ROBO2: variants seen among roughly 807,000 people sequenced by gnomAD.
ROBO2 encodes the protein roundabout homolog 2.
Under a neutral mutation model 160.8 loss-of-function variants are expected in ROBO2, and 53 were observed. The ratio of observed to expected loss-of-function variants is 0.33; its 90% CI spans 0.26 to 0.41. The LOEUF (loss-of-function observed/expected upper bound fraction) is 0.41. Ranked by LOEUF, ROBO2 falls within the 10% of genes least tolerant of loss-of-function variation. The pLI, the probability that ROBO2 is intolerant of heterozygous loss-of-function variation, is 1.00. For synonymous variants in ROBO2, 664 were observed against 611.7 expected (o/e 1.09, Z -1.26); for missense variants, 1,577 against 1,722.4 (o/e 0.92, Z 1.49).
intron 2 of ROBO2, among the ~76,000 whole-genome samples, chr3:76,801,040 A>G (rs2064158604): frequency 6.6e-6 from 1 of 152,212 alleles, no homozygotes; most frequent in Non-Finnish European, 1.5e-5. Flanking sequence ...AAAACATGGT[A>G]CATATACACA....
chr3:76,596,390 A>C (rs1006997498), intron 2 of ROBO2, among the ~76,000 whole-genome samples: 1 of 152,130 alleles, frequency 6.6e-6, no homozygotes, highest in African/African-American at 2.4e-5. Flanking sequence ...AGAGTAGCGC[A>C]TGTAGAAATT....
At chr3:76,358,829 A>T (rs1160593577) in intron 2 of ROBO2, among the ~76,000 whole-genome samples, 1 of 151,634 alleles carries the variant, frequency 6.6e-6, no homozygotes, top group Non-Finnish European at 1.5e-5. Flanking sequence ...TGTGAAGGTT[A>T]GTTACATATG....
chr3:77,428,211 A>G (rs1297203742), intron 2 of ROBO2, among the ~76,000 whole-genome samples: 1 of 152,102 alleles, frequency 6.6e-6, no homozygotes, highest in African/African-American at 2.4e-5. Context: ...TCCCCTTAAA[A>G]CTATAGGAAT....
intron 2 of ROBO2, among the ~76,000 whole-genome samples, chr3:77,264,255 T>G (rs2153342687): frequency 6.6e-6 from 1 of 152,344 alleles, no homozygotes; most frequent in South Asian, 2.1e-4. Context: ...TTCATAAATC[T>G]TGATCTAGGT....
In ROBO2 at chr3:76,236,042, C is replaced by T. The variant is rs569435568; in HGVS notation, c.109+298440C>T. Among the ~76,000 whole-genome samples the T allele has an allele frequency of 9.9e-4, 151 of 152,124 alleles. 1 individual carries two copies. The highest frequency in any genetic ancestry group is 1.9e-3 in the Non-Finnish European group (127 of 67,970). On this transcript the variant is annotated intron_variant, in intron 2 of 26. Transcript: ENST00000487694. Reference sequence around the variant, plus strand: ...TGAACCTCATATAGTTAATTTTCTGCCTTATTTGGTTGTTAATCACCAGCT... The same window carrying T: ...TGAACCTCATATAGTTAATTTTCTGTCTTATTTGGTTGTTAATCACCAGCT...
intron 5 of ROBO2, among the ~76,000 whole-genome samples, chr3:77,519,271 C>A (rs2090344541): frequency 6.6e-6 from 1 of 151,286 alleles, no homozygotes; most frequent in Admixed American, 6.6e-5. Flanking sequence ...ATAAAAAAAT[C>A]TCAGGAAGTC....
In ROBO2 at chr3:76,014,310, G is replaced by C. The variant is rs371930570; in HGVS notation, c.109+76708G>C. 1.3e-4 allele frequency among the ~76,000 whole-genome samples: 18 copies of C among 140,832 alleles called. 3 individuals carry two copies. The highest frequency in any genetic ancestry group is 9.0e-4 in the South Asian group (4 of 4,466). The allele number at this position is 140,832 out of a possible 152,430, so 92.4% of individuals were successfully genotyped here. ...TTGGGGGCTGGGCACGGTGGCTTAT[G>C]CGTGTAATCCCAGAAGTAATATGTA... On this transcript the variant is annotated intron_variant, in intron 2 of 26. Coordinates refer to the ROBO2 transcript ENST00000487694.
rs564273287 is a variant in ROBO2, at chr3:76,989,412, C to T, written c.110-108602C>T. On this transcript the variant is annotated intron_variant, in intron 2 of 26. Coordinates refer to the ROBO2 transcript ENST00000487694. The stretch of plus-strand genomic sequence containing the variant: ...TATGGTCTAATGAGCATAAACTATA[C>T]ATAATATGATAATAAAAGTATGTAA... Among the ~76,000 whole-genome samples, 9 of 152,036 alleles carry T rather than the reference C, an allele frequency of 5.9e-5. No individual in the cohort carries two copies. The South Asian group carries it at 1.9e-3, about 32-fold the overall frequency.
Position 77,601,665 on chromosome 3 carries a change from G to GA in ROBO2, c.2855-537dup, listed in dbSNP as rs1320095712. ...CTGAAAATTTTCCTTTGTTATACAA[G>GA]AAAAAAAATGCACTCTCCTTTTCTG... is the stretch of plus-strand genomic sequence containing the variant. On this transcript the variant is annotated intron_variant, in intron 19 of 25. Transcript: ENST00000461745. Among the ~76,000 whole-genome samples the GA allele has an allele frequency of 2.0e-5, 3 of 151,856 alleles. No individual in the cohort carries two copies. In the East Asian group the frequency reaches 5.8e-4, roughly 29 times the overall value.
chr3:76,012,495 TAATTC>T (rs2107617383), intron 2 of ROBO2, among the ~76,000 whole-genome samples: 1 of 152,332 alleles, frequency 6.6e-6, no homozygotes, highest in Non-Finnish European at 1.5e-5. Context: ...GGATTTTAAT[TAATTC>T]AATAAGCATG....
At chr3:77,196,631 A>G (rs1208991510) in intron 2 of ROBO2, among the ~76,000 whole-genome samples, 1 of 152,130 alleles carries the variant, frequency 6.6e-6, no homozygotes, top group Non-Finnish European at 1.5e-5. Context: ...GGGCATATGT[A>G]CATGTTATTT....
intron 2 of ROBO2, among the ~76,000 whole-genome samples, chr3:77,459,089 G>A (rs1033674929): frequency 1.1e-4 from 17 of 152,210 alleles, no homozygotes; most frequent in South Asian, 1.0e-3. Context: ...TAAACATTCA[G>A]AACATGATCT....
intron 2 of ROBO2, among the ~76,000 whole-genome samples, chr3:76,939,597 G>A (rs1273510056): frequency 1.3e-5 from 2 of 151,982 alleles, no homozygotes; most frequent in Admixed American, 1.3e-4. Context: ...TGGACAACAT[G>A]GTGAAACCTC....
intron 2 of ROBO2, among the ~76,000 whole-genome samples, chr3:76,700,187 T>C (rs1247172305): frequency 1.3e-5 from 2 of 152,118 alleles, no homozygotes; most frequent in Admixed American, 6.6e-5. Flanking sequence ...TTATTCTTTC[T>C]GTCATTTTTT....
At chr3:77,009,476 G>A (rs9835363) in intron 2 of ROBO2, among the ~76,000 whole-genome samples, 100,323 of 151,996 alleles carry the variant, frequency 0.66, 33,753 homozygotes, top group Non-Finnish European at 0.72. Flanking sequence ...CTCCACATAA[G>A]AATTGTATTT....
intron 2 of ROBO2, among the ~76,000 whole-genome samples, chr3:76,926,187 T>A (rs2076980002): frequency 6.6e-6 from 1 of 152,206 alleles, no homozygotes; most frequent in South Asian, 2.1e-4. Context: ...TCAGAGCCAA[T>A]ATGCCTGCAT....
At chr3:75,961,184 G>A (rs913013939) in intron 2 of ROBO2, among the ~76,000 whole-genome samples, 1 of 151,546 alleles carries the variant, frequency 6.6e-6, no homozygotes, top group Non-Finnish European at 1.5e-5. Flanking sequence ...AAAAGTTGGA[G>A]AATGGCACTT....
chr3:77,555,736 G>T (rs886716984), intron 8 of ROBO2, among the ~76,000 whole-genome samples: 1 of 151,870 alleles, frequency 6.6e-6, no homozygotes, highest in African/African-American at 2.4e-5. Flanking sequence ...ATGGTTTATT[G>T]AGTATTTATA....
At chr3:76,351,290 G>A (rs1257936338) in intron 2 of ROBO2, among the ~76,000 whole-genome samples, 1 of 151,870 alleles carries the variant, frequency 6.6e-6, no homozygotes, top group Non-Finnish European at 1.5e-5. Flanking sequence ...AATAGCAACA[G>A]CCCTGAATTC....
Sources: allele counts gnomAD v4.1 joint callset (sites outside exome capture counted in the v4.1 genomes callset), GRCh38; gene constraint gnomAD v4.1.1; transcripts MANE v1.5; gene names NCBI Gene and HGNC (gene_info 2026-07-23, HGNC 2026-07-21).